Variants in GLB1 observed in about 807,000 individuals in gnomAD.
GLB1 encodes beta-galactosidase.
Under a neutral mutation model 74.0 loss-of-function variants are expected in GLB1, and 56 were observed. The observed-to-expected ratio is 0.76, with a 90% CI of 0.61 to 0.94. GLB1 has a LOEUF of 0.94. Among genes scored for constraint, GLB1 ranks in the 40% least tolerant of loss-of-function variants. The pLI is 0.00. For synonymous variants in GLB1, 323 were observed against 323.6 expected (o/e 1.00, Z 0.02); for missense variants, 787 against 845.5 (o/e 0.93, Z 0.86).
In GLB1 at chr3:33,097,044, A is replaced by G. The variant is rs2125591563; in HGVS notation, c.42T>C (p.Val14=). ...FLVRILPLLL[V]LLLLGPTRGL... Reference sequence around the variant, plus strand: ...CGCGCGTAGGGCCCAGAAGCAGCAGAACCAGCAACAGAGGGAGGATGCGAA... The same window carrying G: ...CGCGCGTAGGGCCCAGAAGCAGCAGGACCAGCAACAGAGGGAGGATGCGAA... Residue 14 remains valine, a synonymous_variant, in exon 1 of 16, where the codon GTT becomes GTC. Coordinates refer to ENST00000307363, the MANE Select transcript of GLB1 (RefSeq NM_000404.4). The G allele has an allele frequency of 6.2e-7, 1 of 1,612,464 alleles. No homozygotes were observed. Among genetic ancestry groups the G allele is most frequent in the Non-Finnish European group, 8.5e-7 (1 of 1,179,036 alleles).
At chr3:32,984,254 C>T in the GLB1 span, among the ~76,000 whole-genome samples, 3 of 152,030 alleles carry the variant, frequency 2.0e-5, no homozygotes, top group South Asian at 2.1e-4. Flanking sequence ...CTTGTCCCTA[C>T]ACCCCCCTGA....
At chr3:32,978,528 T>C in the GLB1 span, among the ~76,000 whole-genome samples, 1 of 152,224 alleles carries the variant, frequency 6.6e-6, no homozygotes, top group Non-Finnish European at 1.5e-5. Context: ...CCAAGCCTGC[T>C]TTCTTCCCTT....
intron 1 of GLB1, among the ~76,000 whole-genome samples, chr3:33,074,365 GAAGGAAGGAAGGAAGGAAGGAAGGAAGA>G (rs1388920326): frequency 0.015 from 148 of 10,060 alleles, 5 homozygotes; most frequent in Admixed American, 0.027. Flanking sequence ...AGGAAGGAAG[GAAGGAAGGAAGGAAGGAAGGAAGGAAGA>G]AAGAAAGAAA....
chr3:33,060,121 A>G (rs1336004387), intron 5 of GLB1, among the ~76,000 whole-genome samples: 4 of 152,208 alleles, frequency 2.6e-5, no homozygotes, highest in African/African-American at 9.7e-5. Flanking sequence ...GTGAGTGACA[A>G]AAATGAATTA....
At chr3:32,996,548 A>C (rs901002288), downstream of GLB1, 47 of 219,892 alleles carry the variant, frequency 2.1e-4, 2 homozygotes, top group Admixed American at 2.4e-3. Context: ...TAGGTTATCT[A>C]GTCCAAAAGC....
At position 33,093,460 on chromosome 3, in the gene GLB1, C is replaced by T; in HGVS notation, c.75+3551G>A. The T allele has an allele frequency of 6.2e-7, 1 of 1,614,122 alleles. No individual in the cohort carries two copies. The highest frequency in any genetic ancestry group is 2.2e-5 in the East Asian group (1 of 44,870). On this transcript the variant is annotated intron_variant, in intron 1 of 15. Coordinates refer to ENST00000307363, the MANE Select transcript of GLB1 (RefSeq NM_000404.4). The surrounding 1 kb of genome is among the most constrained non-coding windows in gnomAD (Gnocchi z 6.0). ...ACCGAGGCTTCTGAGTCGGAGAGGT[C>T]ACCCACAATCACCGTGATGTCTGGT...
intron 10 of GLB1, among the ~76,000 whole-genome samples, chr3:33,025,752 G>C (rs1697717918): frequency 6.6e-6 from 1 of 151,856 alleles, no homozygotes; most frequent in Non-Finnish European, 1.5e-5. Flanking sequence ...GTGGCGGTGG[G>C]AGCAGCTGCA....
At chr3:33,089,208 C>T (rs1700650941) in intron 1 of GLB1, among the ~76,000 whole-genome samples, 1 of 152,110 alleles carries the variant, frequency 6.6e-6, no homozygotes, top group Admixed American at 6.5e-5. Context: ...AAAAAAGCTA[C>T]GTGATATTGA....
chr3:33,012,260 C>G (rs926554032), intron 15 of GLB1, among the ~76,000 whole-genome samples: 3 of 152,186 alleles, frequency 2.0e-5, no homozygotes, highest in Non-Finnish European at 2.9e-5. Flanking sequence ...TACTGTCTTT[C>G]CCAGCCATTC....
intron 1 of GLB1, among the ~76,000 whole-genome samples, chr3:33,076,688 G>T (rs1302383232): frequency 6.6e-6 from 1 of 152,230 alleles, no homozygotes; most frequent in East Asian, 1.9e-4. Context: ...AGACTTAAGA[G>T]ATATATCAAT....
At chr3:33,065,316 G>C in intron 5 of GLB1, 147 bp downstream of exon 5, 1 of 1,108,972 alleles carries the variant, frequency 9.0e-7, no homozygotes, top group Non-Finnish European at 1.3e-6. Context: ...CTTCCCAAAT[G>C]CAATTGAACT....
downstream of GLB1, among the ~76,000 whole-genome samples, chr3:32,995,858 A>T (rs1259492052): frequency 6.6e-6 from 1 of 151,992 alleles, no homozygotes. Flanking sequence ...AAAAAAAAAA[A>T]AAAAAATTAC....
At chr3:32,981,008 A>G in the GLB1 span, among the ~76,000 whole-genome samples, 4 of 147,996 alleles carry the variant, frequency 2.7e-5, no homozygotes, top group African/African-American at 7.5e-5. Context: ...GGAGAATTAC[A>G]TGAACCCAGG....
chr3:33,096,857 T>C, intron 1 of GLB1, 154 bp downstream of exon 1: 1 of 1,406,044 alleles, frequency 7.1e-7, no homozygotes, highest in South Asian at 1.6e-5. Context: ...GCCGGTCCAC[T>C]GCCTGCGTTC....
At chr3:33,070,448 T>C (rs1170138590) in intron 2 of GLB1, among the ~76,000 whole-genome samples, 1 of 152,156 alleles carries the variant, frequency 6.6e-6, no homozygotes, top group South Asian at 2.1e-4. Context: ...TTATGAATTT[T>C]TACAGCAGCT....
chr3:32,976,511 C>T, the GLB1 span, among the ~76,000 whole-genome samples: 46 of 152,264 alleles, frequency 3.0e-4, no homozygotes, highest in South Asian at 9.3e-3. Context: ...GAAACGTGGC[C>T]CCGAAGCCTT....
chr3:33,093,510 A>C lies in GLB1; in HGVS notation c.75+3501T>G. On this transcript the variant is annotated intron_variant, in intron 1 of 15. Transcript: ENST00000307363. The surrounding 1 kb of genome is among the most constrained non-coding windows in gnomAD (Gnocchi z 6.0). ...TTCCAGCACATTCACCATCCTCACAAACATTTCCATCTTGGTCCTGCCCAC... is the reference window on the plus strand; with the variant it reads ...TTCCAGCACATTCACCATCCTCACACACATTTCCATCTTGGTCCTGCCCAC... 1.2e-6 allele frequency: 2 copies of C among 1,614,182 alleles called. No homozygotes were observed. The highest frequency in any genetic ancestry group is 1.7e-6 in the Non-Finnish European group (2 of 1,180,042).
intron 13 of GLB1, 123 bp downstream of exon 13, chr3:33,018,308 AAAAAAAAAAAAAAAAAG>A: frequency 8.7e-6 from 5 of 577,490 alleles, no homozygotes; most frequent in Non-Finnish European, 1.4e-5. Context: ...AAAAAAAAAA[AAAAAAAAAAAAAAAAAG>A]ATGATGGGTA....
intron 10 of GLB1, chr3:33,030,521 C>T: frequency 7.1e-6 from 7 of 985,456 alleles, no homozygotes; most frequent in Non-Finnish European, 8.4e-6. Flanking sequence ...CAGCAAGAGA[C>T]AGCTGTGTCT....
Sources: gnomAD v4.1 joint callset for allele counts (sites outside exome capture counted in the v4.1 genomes callset) on GRCh38, gnomAD v4.1.1 for gene constraint, Gnocchi (gnomAD v3.1) non-coding constraint, MANE v1.5 for transcripts, NCBI Gene and HGNC (gene_info 2026-07-23, HGNC 2026-07-21) for gene names.